Variants in CDKAL1 observed in about 807,000 individuals in gnomAD.
CDKAL1 encodes threonylcarbamoyladenosine tRNA methylthiotransferase.
In CDKAL1, 32 loss-of-function variants were observed where a neutral mutation model predicts 68.2. That is an observed-to-expected ratio of 0.47 (90% CI 0.35 to 0.63). The LOEUF (loss-of-function observed/expected upper bound fraction) is 0.63. CDKAL1 is among the 30% of genes least tolerant of loss of function. CDKAL1 has a pLI of 0.00. For synonymous variants in CDKAL1, 234 were observed against 244.3 expected (o/e 0.96, Z 0.39); for missense variants, 606 against 696.7 (o/e 0.87, Z 1.47).
chr6:20,788,947 CATAA>C (rs1467835693), intron 8 of CDKAL1, among the ~76,000 whole-genome samples: 1 of 152,170 alleles, frequency 6.6e-6, no homozygotes, highest in Non-Finnish European at 1.5e-5. Context: ...GTATTCACTC[CATAA>C]ATGTTTGTTA....
chr6:20,739,422 C>G (rs1179931085), intron 5 of CDKAL1, 97 bp from the exon 6 acceptor site: 1 of 664,252 alleles, frequency 1.5e-6, no homozygotes, highest in African/African-American at 1.8e-5. Flanking sequence ...TGAGATAGGC[C>G]TGTTATTATT....
chr6:20,951,978 A>AGACG (rs1764551112), intron 9 of CDKAL1, among the ~76,000 whole-genome samples: 1 of 66,528 alleles, frequency 1.5e-5, no homozygotes, highest in Admixed American at 2.2e-4. Context: ...TTTTTTTTTG[A>AGACG]GACGGAGTCT....
At chr6:20,934,666 G>A (rs1471035559) in intron 9 of CDKAL1, among the ~76,000 whole-genome samples, 2 of 151,936 alleles carry the variant, frequency 1.3e-5, no homozygotes, top group African/African-American at 4.8e-5. Flanking sequence ...GCAACGTAGT[G>A]ACACCCCATC....
chr6:21,097,829 A>G (rs1773394382), intron 12 of CDKAL1, among the ~76,000 whole-genome samples: 1 of 152,258 alleles, frequency 6.6e-6, no homozygotes. Flanking sequence ...GAATTTTTAC[A>G]ATGATTGTCT....
In CDKAL1 at chr6:21,119,659, T is replaced by A. The variant is rs1020983401; in HGVS notation, c.1299+11196T>A. ...TCCATGTTTGTTGATGATCTTCTTATACCATTCTTTATACTTATATTTTCT... is the reference window on the plus strand; with the variant it reads ...TCCATGTTTGTTGATGATCTTCTTAAACCATTCTTTATACTTATATTTTCT... On this transcript the variant is annotated intron_variant, in intron 13 of 15. Transcript: ENST00000274695. Among the ~76,000 whole-genome samples, 3 of 152,338 alleles carry A rather than the reference T, an allele frequency of 2.0e-5. No individual in the cohort carries two copies. The East Asian group carries it at 5.8e-4, about 29-fold the overall frequency.
intron 9 of CDKAL1, among the ~76,000 whole-genome samples, chr6:20,855,187 A>G (rs1257581728): frequency 1.3e-5 from 2 of 152,040 alleles, no homozygotes; most frequent in African/African-American, 2.4e-5. Context: ...CATGCCTGTA[A>G]TCCCCAGCAC....
At chr6:20,606,152 G>A (rs911190130) in intron 4 of CDKAL1, among the ~76,000 whole-genome samples, 5 of 151,794 alleles carry the variant, frequency 3.3e-5, no homozygotes, top group East Asian at 1.9e-4. Flanking sequence ...TTATATGTTC[G>A]GCCTGTTTTT....
intron 11 of CDKAL1, among the ~76,000 whole-genome samples, chr6:21,041,573 AT>A (rs371251294): frequency 0.053 from 7,530 of 142,342 alleles, 247 homozygotes; most frequent in East Asian, 0.15. Flanking sequence ...TCTATCTTAG[AT>A]TTTTTTTTTC....
chr6:20,721,335 C>T (rs914391453), intron 5 of CDKAL1, among the ~76,000 whole-genome samples: 2 of 152,092 alleles, frequency 1.3e-5, no homozygotes, highest in Non-Finnish European at 2.9e-5. Flanking sequence ...CTTTTATGTG[C>T]CACATTTTTT....
At chr6:20,967,923 C>G (rs1468493993) in intron 10 of CDKAL1, among the ~76,000 whole-genome samples, 1 of 152,142 alleles carries the variant, frequency 6.6e-6, no homozygotes, top group East Asian at 1.9e-4. Context: ...TTTATATCAT[C>G]TCACTTCCCT....
At chr6:20,536,102 CT>C (rs34025398) in intron 2 of CDKAL1, among the ~76,000 whole-genome samples, 87,156 of 137,904 alleles carry the variant, frequency 0.63, 27,106 homozygotes, top group East Asian at 0.8. Context: ...CTAAATTTTA[CT>C]TTTTTTTTTT....
intron 7 of CDKAL1, among the ~76,000 whole-genome samples, chr6:20,778,889 T>C (rs1230418078): frequency 1.3e-5 from 2 of 152,194 alleles, no homozygotes; most frequent in Non-Finnish European, 2.9e-5. Flanking sequence ...ATTCAAATGT[T>C]ATCTCATCTA....
chr6:20,960,940 T>C (rs1413310258), intron 10 of CDKAL1, among the ~76,000 whole-genome samples: 1 of 152,224 alleles, frequency 6.6e-6, no homozygotes, highest in Non-Finnish European at 1.5e-5. Context: ...TGATCCAGGC[T>C]CTTAACTTCT....
intron 4 of CDKAL1, among the ~76,000 whole-genome samples, chr6:20,600,791 C>CATATATATATATATAT (rs1336889610): frequency 1.3e-5 from 1 of 77,246 alleles, no homozygotes; most frequent in African/African-American, 3.9e-5. Flanking sequence ...TATATATACA[C>CATATATATATATATAT]ACACACACAT....
At chr6:20,751,000 G>T (rs1162219587) in intron 6 of CDKAL1, among the ~76,000 whole-genome samples, 1 of 129,790 alleles carries the variant, frequency 7.7e-6, no homozygotes, top group Non-Finnish European at 1.6e-5. Flanking sequence ...TAACAGTACT[G>T]TCTCCTCCTC....
At chr6:20,950,044 C>T (rs1385757623) in intron 9 of CDKAL1, among the ~76,000 whole-genome samples, 1 of 152,082 alleles carries the variant, frequency 6.6e-6, no homozygotes, top group Non-Finnish European at 1.5e-5. Context: ...CTTGTCTCAG[C>T]CTCCCAAAGT....
At chr6:20,974,315 A>T (rs1034971710) in intron 10 of CDKAL1, among the ~76,000 whole-genome samples, 2 of 152,358 alleles carry the variant, frequency 1.3e-5, no homozygotes, top group East Asian at 3.9e-4. Flanking sequence ...GGCTTTGCCC[A>T]AACTTTGTTA....
At chr6:20,825,994 A>G (rs1247050301) in intron 8 of CDKAL1, among the ~76,000 whole-genome samples, 1 of 152,174 alleles carries the variant, frequency 6.6e-6, no homozygotes, top group Non-Finnish European at 1.5e-5. Context: ...TTACTCACAA[A>G]TATGACCTGA....
chr6:20,713,444 T>C (rs1771941149), intron 5 of CDKAL1, among the ~76,000 whole-genome samples: 1 of 152,298 alleles, frequency 6.6e-6, no homozygotes, highest in East Asian at 1.9e-4. Flanking sequence ...TTCCTAATAC[T>C]TACTCTCCAC....
Sources: gnomAD v4.1 joint callset for allele counts (sites outside exome capture counted in the v4.1 genomes callset) on GRCh38, gnomAD v4.1.1 for gene constraint, MANE v1.5 for transcripts, NCBI Gene and HGNC (gene_info 2026-07-23, HGNC 2026-07-21) for gene names.